QRICH2: variants seen among roughly 807,000 people sequenced by gnomAD.
The protein encoded by QRICH2 is glutamine rich 2, also known as glutamine-rich protein 2.
Under a neutral mutation model 168.3 loss-of-function variants are expected in QRICH2, and 119 were observed. The ratio of observed to expected loss-of-function variants is 0.71; its 90% CI spans 0.61 to 0.82. The LOEUF (loss-of-function observed/expected upper bound fraction) is 0.82. QRICH2 is among the 40% of genes least tolerant of loss of function. The probability of loss-of-function intolerance (pLI) is 0.00; values close to 1 mark genes in which losing one functional copy is unlikely to be tolerated. For synonymous variants in QRICH2, 894 were observed against 951.2 expected (o/e 0.94, Z 1.11); for missense variants, 2,241 against 2,491.6 (o/e 0.90, Z 2.14).
chr17:76,307,721 T>A lies in QRICH2; in HGVS notation c.278A>T (p.Gln93Leu). The A allele has an allele frequency of 7.0e-7, 1 of 1,424,696 alleles. No homozygotes were observed. The highest frequency in any genetic ancestry group is 9.1e-7 in the Non-Finnish European group (1 of 1,092,976). The allele number at this position is 1,424,696 out of a possible 1,614,324, so 88.3% of individuals were successfully genotyped here. Residue 93 changes from glutamine to leucine, a missense_variant, in exon 1 of 19, where the codon CAG becomes CTG. Around this residue, in one of 3 missense-constraint regions of QRICH2, gnomAD observed 2,047 missense variants for 2,303.8 expected, o/e 0.89. Coordinates refer to ENST00000680821, the MANE Select transcript of QRICH2 (RefSeq NM_001388453.1). The surrounding 1 kb of genome is among the most constrained non-coding windows in gnomAD (Gnocchi z 5.3). Reference sequence around the variant, plus strand: ...GCTCTCCAGCGCTGACGAAGGCGCCTGGCCCACGCCCCTGCGCTTCTCCCG... The same window carrying A: ...GCTCTCCAGCGCTGACGAAGGCGCCAGGCCCACGCCCCTGCGCTTCTCCCG... ...APREKRRGVG[Q>L]APSSALESQV...
chr17:76,299,061 CT>C (rs2070853606), intron 3 of QRICH2, among the ~76,000 whole-genome samples: 1 of 152,084 alleles, frequency 6.6e-6, no homozygotes, highest in African/African-American at 2.4e-5. Context: ...CTGATGGCAA[CT>C]TTTGCACACA....
intron 5 of QRICH2, 139 bp downstream of exon 5, chr17:76,289,853 G>C: frequency 1.8e-6 from 1 of 544,960 alleles, no homozygotes; most frequent in South Asian, 1.8e-5. Context: ...TCGGGAGGCT[G>C]AGGCATGAGA....
rs538993122 is a variant in QRICH2, at chr17:76,307,805, C to T, written c.194G>A (p.Arg65Gln). ...PEPSRSLQSVRSSFSIPHLPA... is the reference protein window; with the variant it reads ...PEPSRSLQSVQSSFSIPHLPA... ...CAGGTGCGGGATGCTGAACGAGCTC[C>T]GGACGGACTGCAGCGAGCGGCTGGG... Residue 65 changes from arginine (R) to glutamine (Q), a missense_variant, in exon 1 of 19, where the codon CGG (arginine) becomes CAG (glutamine). Around this residue, in one of 3 missense-constraint regions of QRICH2, gnomAD observed 2,047 missense variants for 2,303.8 expected, o/e 0.89. Transcript: ENST00000680821. This position sits in a 1 kb window ranked among gnomAD's most constrained non-coding sequence, Gnocchi z 5.3. The T allele has an allele frequency of 2.3e-6, 3 of 1,332,794 alleles. No homozygotes were observed. Among genetic ancestry groups the T allele is most frequent in the South Asian group, 2.1e-5 (1 of 47,344 alleles). The allele number at this position is 1,332,794 out of a possible 1,614,324, so 82.6% of individuals were successfully genotyped here.
intron 3 of QRICH2, among the ~76,000 whole-genome samples, chr17:76,299,532 T>C (rs9909617): frequency 0.35 from 52,896 of 151,672 alleles, 12,088 homozygotes; most frequent in African/African-American, 0.64. Context: ...AGGTCAGAAG[T>C]TCGAGCCCAG....
rs1022355503 is a variant in QRICH2 at position 76,307,552 on chromosome 17, C to T, written c.447G>A (p.Glu149=). ...GLDLAALEWP[E]EQEVGVRAFD... The stretch of plus-strand genomic sequence containing the variant: ...ACGCCCGCACGCCCACCTCCTGCTC[C>T]TCCGGCCACTCTAGCGCGGCCAGGT... Residue 149 remains glutamate (E), a synonymous_variant, in exon 1 of 19, where the codon GAG becomes GAA. Transcript: ENST00000680821. This position sits in a 1 kb window ranked among gnomAD's most constrained non-coding sequence, Gnocchi z 5.3. 1.8e-5 allele frequency: 29 copies of T among 1,589,866 alleles called. No individual in the cohort carries two copies. The highest frequency in any genetic ancestry group is 2.3e-5 in the Non-Finnish European group (27 of 1,168,834).
chr17:76,293,717 G>C lies in QRICH2; in HGVS notation c.1010C>G (p.Ser337Ter). ...LHQSSTFQFK[S>*]DSDRHRSREK... ...TCTACTCCTGTGACGATCTGAGTCT[G>C]ATTTGAATTGGAATGTAGAAGACTG... The change falls in exon 4 of 19, where the codon TCA becomes TGA. Residue 337 changes from serine to a stop codon, truncating the protein, a stop_gained. Coordinates refer to ENST00000680821, the MANE Select transcript of QRICH2 (RefSeq NM_001388453.1). LOFTEE classifies it high-confidence loss of function. 6.2e-7 allele frequency: 1 copy of C among 1,614,176 alleles called. No homozygotes were observed. The highest frequency in any genetic ancestry group is 8.5e-7 in the Non-Finnish European group (1 of 1,180,044).
chr17:76,308,313 C>T (rs1457659722), upstream of QRICH2: 4 of 985,320 alleles, frequency 4.1e-6, no homozygotes, highest in South Asian at 4.7e-5. Flanking sequence ...GAAGATTCCA[C>T]GTAACAACAC....
chr17:76,305,600 T>C (rs1383559658), intron 1 of QRICH2, among the ~76,000 whole-genome samples: 4 of 152,154 alleles, frequency 2.6e-5, no homozygotes, highest in Non-Finnish European at 5.9e-5. Flanking sequence ...TGGGACCCTT[T>C]GGTCCTGGGA....
At chr17:76,298,912 G>A (rs972161156) in intron 3 of QRICH2, among the ~76,000 whole-genome samples, 2 of 152,132 alleles carry the variant, frequency 1.3e-5, no homozygotes, top group Admixed American at 6.6e-5. Flanking sequence ...CACAGCGCCC[G>A]GCCCTGAGTG....
At chr17:76,302,989 T>C (rs2070930040) in intron 3 of QRICH2, among the ~76,000 whole-genome samples, 1 of 151,920 alleles carries the variant, frequency 6.6e-6, no homozygotes. Flanking sequence ...GTTCAAGCGA[T>C]TCTTCTGCCT....
intron 3 of QRICH2, among the ~76,000 whole-genome samples, chr17:76,297,870 G>GT (rs1169251679): frequency 0.025 from 2,012 of 79,448 alleles, 250 homozygotes; most frequent in Non-Finnish European, 0.035. Flanking sequence ...TTAGGAATCT[G>GT]TTTTTTTTTT....
Position 76,294,960 on chromosome 17 carries a change from G to A in QRICH2, c.706-939C>T, listed in dbSNP as rs935238626. On this transcript the variant is annotated intron_variant, in intron 3 of 18. Coordinates refer to ENST00000680821, the MANE Select transcript of QRICH2 (RefSeq NM_001388453.1). ...AAAATATAAAGTCTGGGTCTGGCAC[G>A]GTGGCTCATGCCTGTAATCCCAGCA... is the stretch of plus-strand genomic sequence containing the variant. 4.6e-5 allele frequency among the ~76,000 whole-genome samples: 7 copies of A among 151,760 alleles called. No homozygotes were observed. In the East Asian group the frequency reaches 9.7e-4, roughly 21 times the overall value.
chr17:76,278,959 G>T, intron 14 of QRICH2, 82 bp downstream of exon 14: 1 of 1,160,202 alleles, frequency 8.6e-7, no homozygotes, highest in South Asian at 1.3e-5. Flanking sequence ...TGGGCCCTCC[G>T]GAGTCATCCC....
At position 76,277,464 on chromosome 17, in the gene QRICH2, G is replaced by A. The variant is rs373689772; in HGVS notation, c.5118-154C>T. 5.3e-5 allele frequency among the ~76,000 whole-genome samples: 8 copies of A among 152,012 alleles called. No individual in the cohort carries two copies. In the East Asian group the frequency reaches 9.7e-4, roughly 18 times the overall value. The stretch of plus-strand genomic sequence containing the variant: ...CAGCAGGGGCCCAGAACAGGCGGGC[G>A]GGGGTAGAGCAGCCGTGAGGCCGGG... On this transcript the variant is annotated intron_variant, in intron 15 of 18. Transcript: ENST00000680821.
At position 76,292,228 on chromosome 17, in the gene QRICH2, T is replaced by C; in HGVS notation, c.2499A>G (p.Gln833=). The C allele has an allele frequency of 1.9e-6, 3 of 1,602,026 alleles. No individual in the cohort carries two copies. Among genetic ancestry groups the C allele is most frequent in the Non-Finnish European group, 2.6e-6 (3 of 1,176,412 alleles). Residue 833 remains glutamine, a synonymous_variant, in exon 4 of 19, where the codon CAA becomes CAG. Coordinates refer to ENST00000680821, the MANE Select transcript of QRICH2 (RefSeq NM_001388453.1). ...QPGVDQRGLV[Q]PGAVQRGLVQ... ...CCAAACCACGCTGAACTGCACCAGG[T>C]TGAACCAAACCACGCTGATCCACTC...
chr17:76,303,746 G>A (rs938540078), intron 3 of QRICH2, among the ~76,000 whole-genome samples: 4 of 151,748 alleles, frequency 2.6e-5, no homozygotes, highest in Non-Finnish European at 5.9e-5. Context: ...GGTGGTGGGC[G>A]CCTGTAGTCC....
Position 76,278,164 on chromosome 17 carries a change from G to A in QRICH2, c.4942C>T (p.Arg1648Trp), listed in dbSNP as rs1188138026. Reference sequence around the variant, plus strand: ...TGCTCCATCTGCGCCAGGTCACCCCGAGGGAAGGCGCTGCCCAGCTTGAGG... The same window carrying A: ...TGCTCCATCTGCGCCAGGTCACCCCAAGGGAAGGCGCTGCCCAGCTTGAGG... ...RNLKLGSAFPRGDLAQMEQSV... is the reference protein window; with the variant it reads ...RNLKLGSAFPWGDLAQMEQSV... The change falls in exon 15 of 19, where the codon CGG (arginine) becomes TGG (tryptophan). Residue 1648 changes from arginine to tryptophan, a missense_variant. Arg to Trp is a moderately radical substitution (Grantham distance 101). Transcript: ENST00000680821. 21 of 1,608,658 alleles carry A rather than the reference G, an allele frequency of 1.3e-5. No individual in the cohort carries two copies. Among genetic ancestry groups the A allele is most frequent in the Middle Eastern group, 1.6e-4 (1 of 6,068 alleles).
intron 7 of QRICH2, among the ~76,000 whole-genome samples, chr17:76,284,680 C>A (rs1203547930): frequency 6.6e-6 from 1 of 151,392 alleles, no homozygotes; most frequent in Admixed American, 6.6e-5. Flanking sequence ...TAGCCGGGTG[C>A]AGTGGCAGGC....
intron 4 of QRICH2, among the ~76,000 whole-genome samples, 186 bp from the exon 5 acceptor site, chr17:76,290,263 T>C (rs1307987403): frequency 6.6e-6 from 1 of 152,150 alleles, no homozygotes; most frequent in African/African-American, 2.4e-5. Context: ...CCTTAGCCCA[T>C]GAAACATCCA....
Sources: allele counts gnomAD v4.1 joint callset (sites outside exome capture counted in the v4.1 genomes callset), GRCh38; gene constraint gnomAD v4.1.1; regional missense constraint gnomAD v4.1.1; non-coding constraint Gnocchi (gnomAD v3.1); transcripts MANE v1.5; gene names NCBI Gene and HGNC (gene_info 2026-07-23, HGNC 2026-07-21).